Variants in GSG1L observed in about 807,000 individuals in gnomAD.
The protein encoded by GSG1L is germ cell-specific gene 1-like protein.
A neutral mutation model predicts 42.1 loss-of-function variants in GSG1L; 24 were observed. The observed-to-expected ratio is 0.57, with a 90% CI of 0.41 to 0.80. The LOEUF (loss-of-function observed/expected upper bound fraction) is 0.80. GSG1L is among the 30% of genes least tolerant of loss of function. GSG1L has a pLI of 0.00. For synonymous variants in GSG1L, 215 were observed against 203.5 expected, an observed-to-expected ratio of 1.06 and a Z score of -0.48; for missense variants, 445 against 472.2, an observed-to-expected ratio of 0.94 and a Z score of 0.53.
At chr16:27,964,204 C>T (rs1165432072) in intron 1 of GSG1L, among the ~76,000 whole-genome samples, 1 of 151,904 alleles carries the variant, frequency 6.6e-6, no homozygotes, top group Non-Finnish European at 1.5e-5. Context: ...GTGGCATGCA[C>T]CTGTAGTCCC....
In GSG1L at chr16:27,884,365, G is replaced by A. The variant is rs554637127; in HGVS notation, c.550+121C>T. 3.5e-6 allele frequency: 3 copies of A among 869,514 alleles called. No homozygotes were observed. Among genetic ancestry groups the A allele is most frequent in the African/African-American group, 3.4e-5 (2 of 59,106 alleles). The allele number at this position is 869,514 out of a possible 1,614,324, so 53.9% of individuals were successfully genotyped here. On this transcript the variant is annotated intron_variant, in intron 3 of 6. Transcript: ENST00000447459. This position sits in a 1 kb window ranked among gnomAD's most constrained non-coding sequence, Gnocchi z 4.4. ...CATTTTTTACAAACGATAAAACTGA[G>A]GCTCACAGAAGAGAAGCAATTTGTC...
chr16:27,930,618 G>A (rs2084645410), intron 2 of GSG1L, among the ~76,000 whole-genome samples: 1 of 152,232 alleles, frequency 6.6e-6, no homozygotes, highest in Admixed American at 6.5e-5. Flanking sequence ...AAGCAGTCAG[G>A]TAAGTCCAAT....
chr16:27,919,410 C>T (rs753851149), intron 2 of GSG1L, among the ~76,000 whole-genome samples: 1 of 152,218 alleles, frequency 6.6e-6, no homozygotes, highest in African/African-American at 2.4e-5. Context: ...CAACCATTCT[C>T]TCTTTCTGTT....
intron 5 of GSG1L, among the ~76,000 whole-genome samples, chr16:27,810,375 TGGGA>T (rs1336179633): frequency 1.3e-5 from 2 of 152,136 alleles, no homozygotes; most frequent in Admixed American, 6.5e-5. Flanking sequence ...GAAGCTGAGT[TGGGA>T]GGATCACTTG....
At chr16:27,973,997 G>A (rs1596665633) in intron 1 of GSG1L, among the ~76,000 whole-genome samples, 1 of 152,230 alleles carries the variant, frequency 6.6e-6, no homozygotes, top group Non-Finnish European at 1.5e-5. Context: ...CCTTGAAGAT[G>A]CCCTTTCTCC....
chr16:27,793,862 C>G (rs2082787403), intron 6 of GSG1L, among the ~76,000 whole-genome samples: 1 of 152,216 alleles, frequency 6.6e-6, no homozygotes, highest in Non-Finnish European at 1.5e-5. Flanking sequence ...CACTTCTCTT[C>G]TCTCCCAGGC....
chr16:27,974,479 G>C (rs116620065), intron 1 of GSG1L, among the ~76,000 whole-genome samples: 1,685 of 152,302 alleles, frequency 0.011, 26 homozygotes, highest in African/African-American at 0.039. Flanking sequence ...ACTGGAGATT[G>C]AATTTCTTGC....
At chr16:27,930,871 T>G (rs1356252192) in intron 2 of GSG1L, among the ~76,000 whole-genome samples, 1 of 152,166 alleles carries the variant, frequency 6.6e-6, no homozygotes, top group Non-Finnish European at 1.5e-5. Flanking sequence ...ACTACAGACA[T>G]GCACCACATG....
chr16:27,830,171 G>A (rs1309474155), intron 4 of GSG1L, among the ~76,000 whole-genome samples: 1 of 152,154 alleles, frequency 6.6e-6, no homozygotes, highest in Non-Finnish European at 1.5e-5. Flanking sequence ...TACCAGGAGT[G>A]GGGTACCTGC....
chr16:28,031,813 T>C (rs994601004), intron 1 of GSG1L, among the ~76,000 whole-genome samples: 3 of 152,230 alleles, frequency 2.0e-5, no homozygotes, highest in Non-Finnish European at 4.4e-5. Flanking sequence ...ATTCACTTTC[T>C]GAATGTGCGT....
intron 2 of GSG1L, among the ~76,000 whole-genome samples, chr16:27,937,052 G>A (rs567069105): frequency 1.1e-4 from 16 of 152,208 alleles, no homozygotes; most frequent in African/African-American, 2.9e-4. Flanking sequence ...GATGACCTTC[G>A]CTGCTCTGAT....
chr16:27,791,291 G>A lies in GSG1L; in HGVS notation c.*79C>T. 1 of 954,038 alleles carries A rather than the reference G, an allele frequency of 1.0e-6. No homozygotes were observed. Among genetic ancestry groups the A allele is most frequent in the Non-Finnish European group, 1.5e-6 (1 of 675,828 alleles). 59.1% of individuals were successfully genotyped at this position (954,038 alleles called of 1,614,324 possible). On this transcript the variant is annotated 3_prime_UTR_variant, in exon 7 of 7. Coordinates refer to ENST00000447459, the MANE Select transcript of GSG1L (RefSeq NM_001109763.2). ...CACGGCACACAGGCCAGGGTTCTGG[G>A]GGCACCACTCTGGTGGTCTTGCAGC...
chr16:28,022,264 G>C (rs1421404050), intron 1 of GSG1L, among the ~76,000 whole-genome samples: 1 of 152,064 alleles, frequency 6.6e-6, no homozygotes, highest in Admixed American at 6.6e-5. Context: ...ATTACATGAG[G>C]TTCAATCAGG....
intron 1 of GSG1L, among the ~76,000 whole-genome samples, chr16:27,989,324 A>G (rs535686548): frequency 1.3e-5 from 2 of 152,330 alleles, no homozygotes; most frequent in Non-Finnish European, 2.9e-5. Context: ...TTGATATTTG[A>G]CATACTTCCC....
At chr16:27,937,075 C>T (rs887886709) in intron 2 of GSG1L, among the ~76,000 whole-genome samples, 28 of 152,338 alleles carry the variant, frequency 1.8e-4, no homozygotes, top group South Asian at 2.1e-4. Context: ...TCACTCTGAC[C>T]TGCTGCCTGG....
intron 1 of GSG1L, among the ~76,000 whole-genome samples, chr16:27,966,191 A>G (rs528249992): frequency 6.6e-6 from 1 of 152,212 alleles, no homozygotes; most frequent in South Asian, 2.1e-4. Flanking sequence ...CATTTAATCT[A>G]TCTAAAATTC....
chr16:27,797,821 C>CAAAAAAA (rs59207468), intron 6 of GSG1L, among the ~76,000 whole-genome samples: 1 of 77,186 alleles, frequency 1.3e-5, no homozygotes, highest in African/African-American at 5.2e-5. Context: ...GACTCCATCT[C>CAAAAAAA]AAAAAAAAAA....
intron 3 of GSG1L, among the ~76,000 whole-genome samples, chr16:27,855,515 T>A (rs893093910): frequency 3.3e-5 from 5 of 151,670 alleles, no homozygotes; most frequent in Admixed American, 3.3e-4. Context: ...AGGTCAGGAG[T>A]TCGAGACCAA....
intron 2 of GSG1L, among the ~76,000 whole-genome samples, chr16:27,899,174 A>T (rs1414358044): frequency 6.6e-6 from 1 of 152,234 alleles, no homozygotes; most frequent in Non-Finnish European, 1.5e-5. Context: ...CCTTGAAAAC[A>T]CATCTGTGAA....
Sources: allele counts gnomAD v4.1 joint callset (sites outside exome capture counted in the v4.1 genomes callset), GRCh38; gene constraint gnomAD v4.1.1; non-coding constraint Gnocchi (gnomAD v3.1); transcripts MANE v1.5; gene names NCBI Gene and HGNC (gene_info 2026-07-23, HGNC 2026-07-21).